ATP6V1H: variants seen among roughly 807,000 people sequenced by gnomAD.
ATP6V1H encodes the protein ATPase H+ transporting V1 subunit H.
ATP6V1H carries 39 observed loss-of-function variants against 71.7 expected under a neutral mutation model. The ratio of observed to expected loss-of-function variants is 0.54; its 90% confidence interval spans 0.42 to 0.71. The LOEUF (loss-of-function observed/expected upper bound fraction) is 0.71. Among genes scored for constraint, ATP6V1H ranks in the 30% least tolerant of loss-of-function variants. The pLI is 0.00. For missense variants in ATP6V1H, 509 were observed against 594.9 expected, an observed-to-expected ratio of 0.86 and a Z score of 1.50; for synonymous variants, 192 against 199.3, an observed-to-expected ratio of 0.96 and a Z score of 0.31.
chr8:53,833,593 A>G (rs1360394584), intron 2 of ATP6V1H, among the ~76,000 whole-genome samples: 1 of 151,154 alleles, frequency 6.6e-6, no homozygotes, highest in African/African-American at 2.4e-5. Context: ...CCTCTCTGGA[A>G]AATAACTCTC....
chr8:53,769,944 G>GT (rs1347047094), intron 10 of ATP6V1H, among the ~76,000 whole-genome samples: 1 of 151,890 alleles, frequency 6.6e-6, no homozygotes, highest in Non-Finnish European at 1.5e-5. Flanking sequence ...GTGTAGTAAG[G>GT]TCCAACCCTC....
chr8:53,817,576 T>A, intron 4 of ATP6V1H, 46 bp from the exon 5 acceptor site: 1 of 1,253,190 alleles, frequency 8.0e-7, no homozygotes, highest in Non-Finnish European at 1.1e-6. Context: ...CACATTTTGC[T>A]AAAGAATGTA....
chr8:53,783,375 G>A (rs1342023283), intron 9 of ATP6V1H, among the ~76,000 whole-genome samples: 1 of 152,034 alleles, frequency 6.6e-6, no homozygotes, highest in Non-Finnish European at 1.5e-5. Context: ...ATTTCTGTGG[G>A]GTCGGTGGTG....
intron 4 of ATP6V1H, among the ~76,000 whole-genome samples, chr8:53,819,551 T>TAC (rs1810566270): frequency 1.4e-5 from 1 of 73,422 alleles, no homozygotes; most frequent in East Asian, 3.3e-4. Context: ...AAAAAGCATA[T>TAC]ATATATATAT....
chr8:53,761,692 T>C (rs558413162), intron 11 of ATP6V1H, among the ~76,000 whole-genome samples: 9 of 152,344 alleles, frequency 5.9e-5, no homozygotes, highest in African/African-American at 2.2e-4. Context: ...CTTGCTGACA[T>C]CAACCACTCA....
At chr8:53,773,246 CTTA>C (rs1224969390) in intron 9 of ATP6V1H, among the ~76,000 whole-genome samples, 3 of 152,138 alleles carry the variant, frequency 2.0e-5, no homozygotes, top group African/African-American at 7.2e-5. Flanking sequence ...TGCAATCCTC[CTTA>C]TTATGAATAG....
At chr8:53,827,473 T>TA (rs1170104155) in intron 4 of ATP6V1H, among the ~76,000 whole-genome samples, 1 of 152,192 alleles carries the variant, frequency 6.6e-6, no homozygotes, top group African/African-American at 2.4e-5. Flanking sequence ...AAATGACTCT[T>TA]ACAGTATTTC....
intron 9 of ATP6V1H, among the ~76,000 whole-genome samples, chr8:53,776,655 TAC>T (rs1448935634): frequency 6.6e-6 from 1 of 152,114 alleles, no homozygotes; most frequent in African/African-American, 2.4e-5. Context: ...ACATTCAGAA[TAC>T]ACTCCCAAAT....
At chr8:53,743,451 TA>T in intron 13 of ATP6V1H, 125 bp downstream of exon 13, 2 of 735,154 alleles carry the variant, frequency 2.7e-6, no homozygotes, top group Non-Finnish European at 4.6e-6. Context: ...AATATATTTC[TA>T]AATTTTGAAT....
intron 9 of ATP6V1H, among the ~76,000 whole-genome samples, chr8:53,780,212 C>T (rs1809058026): frequency 1.3e-5 from 2 of 150,806 alleles, no homozygotes; most frequent in African/African-American, 4.9e-5. Flanking sequence ...ACTATAACTT[C>T]AACACATTCA....
intron 9 of ATP6V1H, among the ~76,000 whole-genome samples, chr8:53,774,179 G>A (rs1808780319): frequency 6.6e-6 from 1 of 152,164 alleles, no homozygotes; most frequent in Non-Finnish European, 1.5e-5. Flanking sequence ...GATGTCCAGT[G>A]AACACCAAGC....
intron 9 of ATP6V1H, among the ~76,000 whole-genome samples, chr8:53,776,188 C>G (rs369711353): frequency 2.2e-4 from 33 of 152,214 alleles, no homozygotes; most frequent in African/African-American, 7.5e-4. Context: ...GCCGGCTGCT[C>G]CGAGTTTGGG....
At chr8:53,775,969 G>T (rs1051232089) in intron 9 of ATP6V1H, among the ~76,000 whole-genome samples, 17 of 152,224 alleles carry the variant, frequency 1.1e-4, no homozygotes, top group Non-Finnish European at 2.2e-4. Flanking sequence ...CATCAGGGAG[G>T]CTCAGGCTGC....
At chr8:53,769,538 AT>A in intron 11 of ATP6V1H, 79 bp downstream of exon 11, 1 of 1,393,952 alleles carries the variant, frequency 7.2e-7, no homozygotes, top group Non-Finnish European at 9.7e-7. Flanking sequence ...AATATCTAAA[AT>A]TTAGAGTGAC....
intron 11 of ATP6V1H, among the ~76,000 whole-genome samples, chr8:53,762,524 C>T (rs957326080): frequency 1.3e-5 from 2 of 152,090 alleles, no homozygotes; most frequent in African/African-American, 4.8e-5. Flanking sequence ...AGCACCAAGA[C>T]ACCTTGGAAG....
chr8:53,794,552 G>T (rs1383441689), intron 9 of ATP6V1H, among the ~76,000 whole-genome samples: 2 of 152,068 alleles, frequency 1.3e-5, no homozygotes, highest in Non-Finnish European at 2.9e-5. Context: ...TTTTAGTAGG[G>T]ACGGGGTTTC....
At chr8:53,811,365 A>T (rs1439141991) in intron 6 of ATP6V1H, 148 bp from the exon 7 acceptor site, 3 of 604,018 alleles carry the variant, frequency 5.0e-6, no homozygotes, top group African/African-American at 1.9e-5. Flanking sequence ...TACTAAATAA[A>T]AAGCAAGGGG....
intron 9 of ATP6V1H, 34 bp from the exon 10 acceptor site, chr8:53,772,201 C>A (rs1246287737): frequency 5.9e-6 from 9 of 1,529,782 alleles, no homozygotes; most frequent in African/African-American, 1.4e-5. Context: ...AGAAACTATA[C>A]AATTTGTCAT....
chr8:53,773,748 C>T (rs1470217641), intron 9 of ATP6V1H, among the ~76,000 whole-genome samples: 3 of 152,032 alleles, frequency 2.0e-5, no homozygotes, highest in Non-Finnish European at 2.9e-5. Flanking sequence ...ACACAGACTT[C>T]AAAGCAATTA....
Sources: allele counts gnomAD v4.1 joint callset (sites outside exome capture counted in the v4.1 genomes callset), GRCh38; gene constraint gnomAD v4.1.1; transcripts MANE v1.5; gene names NCBI Gene and HGNC (gene_info 2026-07-23, HGNC 2026-07-21).